Variants in CRPPA observed in about 807,000 individuals in gnomAD.
CRPPA encodes the protein CDP-L-ribitol pyrophosphorylase A.
Under a neutral mutation model 52.0 loss-of-function variants are expected in CRPPA, and 43 were observed. That is an observed-to-expected ratio of 0.83 (90% confidence interval 0.65 to 1.07). The LOEUF (loss-of-function observed/expected upper bound fraction) is 1.07, where lower values mean the gene tolerates loss of function less well. CRPPA is among the 50% of genes least tolerant of loss of function. The pLI, the probability that CRPPA is intolerant of heterozygous loss-of-function variation, is 0.00. For missense variants in CRPPA, 629 were observed against 551.7 expected, an observed-to-expected ratio of 1.14 and a Z score of -1.40; for synonymous variants, 250 against 203.5, an observed-to-expected ratio of 1.23 and a Z score of -1.94.
At chr7:16,364,473 G>C (rs923742371) in intron 3 of CRPPA, among the ~76,000 whole-genome samples, 1 of 152,166 alleles carries the variant, frequency 6.6e-6, no homozygotes, top group Non-Finnish European at 1.5e-5. Context: ...AGTCCTGATT[G>C]AGAAGGAAAT....
At chr7:16,235,982 A>AAGTGTCTGTTATT in intron 8 of CRPPA, 1 of 152,196 alleles carries the variant, frequency 6.6e-6, no homozygotes, top group East Asian at 1.9e-4. Flanking sequence ...GCTTTTCAGT[A>AAGTGTCTGTTATT]AGTGTCTGTT....
Position 16,125,501 on chromosome 7 carries a change from A to G in CRPPA, c.1252-33702T>C, listed in dbSNP as rs558755681. ...TAGAAGCTGACTAAAAATAAATTCA[A>G]TGAGTCAACTAGAGAGTAATCACCA... On this transcript the variant is annotated intron_variant, in intron 9 of 9. Coordinates refer to ENST00000407010, the MANE Select transcript of CRPPA (RefSeq NM_001101426.4). 7.2e-5 allele frequency among the ~76,000 whole-genome samples: 11 copies of G among 152,220 alleles called. No individual in the cohort carries two copies. In the East Asian group the frequency reaches 2.1e-3, roughly 29 times the overall value.
At chr7:16,259,581 C>A (rs1426444446) in intron 6 of CRPPA, among the ~76,000 whole-genome samples, 1 of 151,952 alleles carries the variant, frequency 6.6e-6, no homozygotes, top group Non-Finnish European at 1.5e-5. Flanking sequence ...TAGAGAAGAA[C>A]ACATATTATG....
intron 2 of CRPPA, among the ~76,000 whole-genome samples, chr7:16,380,177 T>A (rs1367862236): frequency 6.6e-6 from 1 of 151,310 alleles, no homozygotes; most frequent in Non-Finnish European, 1.5e-5. Context: ...AATACCTAAT[T>A]TATTGAGAGT....
At chr7:16,414,350 AAC>A (rs3085030) in intron 1 of CRPPA, among the ~76,000 whole-genome samples, 13,235 of 137,902 alleles carry the variant, frequency 0.096, 621 homozygotes, top group Middle Eastern at 0.13. Context: ...CCCCTACCCC[AAC>A]ACACACACAC....
At chr7:16,101,612 T>C (rs1216358274) in intron 9 of CRPPA, among the ~76,000 whole-genome samples, 4 of 151,914 alleles carry the variant, frequency 2.6e-5, no homozygotes, top group Non-Finnish European at 5.9e-5. Context: ...AGCTCCTGGA[T>C]TGAGCAAAGT....
intron 4 of CRPPA, among the ~76,000 whole-genome samples, chr7:16,306,933 C>T (rs1262624041): frequency 1.3e-5 from 2 of 151,362 alleles, no homozygotes; most frequent in Non-Finnish European, 3.0e-5. Flanking sequence ...CCAGGCAATA[C>T]TTCAAACATG....
At chr7:16,309,953 T>G (rs1784998716) in intron 3 of CRPPA, among the ~76,000 whole-genome samples, 1 of 152,056 alleles carries the variant, frequency 6.6e-6, no homozygotes, top group Admixed American at 6.6e-5. Flanking sequence ...TAAATAAAAT[T>G]AAGTTTAAAA....
At chr7:16,185,955 A>T (rs1283919414) in intron 9 of CRPPA, among the ~76,000 whole-genome samples, 1 of 152,206 alleles carries the variant, frequency 6.6e-6, no homozygotes, top group Admixed American at 6.6e-5. Flanking sequence ...GTACATATTC[A>T]CACATCTTAA....
chr7:16,200,069 G>A (rs939236929), intron 9 of CRPPA, among the ~76,000 whole-genome samples: 3 of 152,014 alleles, frequency 2.0e-5, no homozygotes, highest in African/African-American at 7.3e-5. Context: ...TGTTGGCCAG[G>A]TTGGTCTCAA....
chr7:16,320,004 C>T (rs555207422), intron 3 of CRPPA, among the ~76,000 whole-genome samples: 1 of 152,250 alleles, frequency 6.6e-6, no homozygotes, highest in Non-Finnish European at 1.5e-5. Flanking sequence ...CTAGCTTGCC[C>T]CAACTATTTG....
At position 16,387,060 on chromosome 7, in the gene CRPPA, TATATATATATATATATATATATATATAC is replaced by T. The variant is rs969375806; in HGVS notation, c.535-10847_535-10820del. On this transcript the variant is annotated intron_variant, in intron 2 of 9. Transcript: ENST00000407010. ...TAAAAAAAAGATATATATATATATA[TATATATATATATATATATATATATATAC>T]ACACATATATATATGTATATACACA... Among the ~76,000 whole-genome samples, 5 of 82,942 alleles carry T rather than the reference TATATATATATATATATATATATATATAC, an allele frequency of 6.0e-5. 1 individual carries two copies. Among genetic ancestry groups the T allele is most frequent in the African/African-American group, 3.1e-4 (5 of 16,084 alleles). 54.4% of individuals were successfully genotyped at this position (82,942 alleles called of 152,430 possible). A position where few individuals can be genotyped will look rare whatever the true frequency, so the allele number is the denominator to read the frequency against.
chr7:16,319,457 C>T (rs1192165917), intron 3 of CRPPA, among the ~76,000 whole-genome samples: 1 of 152,120 alleles, frequency 6.6e-6, no homozygotes, highest in East Asian at 1.9e-4. Context: ...GCTTCTGTAT[C>T]CCGTGCAGTC....
At chr7:16,339,593 T>C (rs1056283499) in intron 3 of CRPPA, among the ~76,000 whole-genome samples, 3 of 152,336 alleles carry the variant, frequency 2.0e-5, no homozygotes, top group African/African-American at 7.2e-5. Context: ...ATCATCATTC[T>C]TAATGGTGAG....
At chr7:16,283,446 T>C (rs1464891140) in intron 5 of CRPPA, among the ~76,000 whole-genome samples, 1 of 150,216 alleles carries the variant, frequency 6.7e-6, no homozygotes, top group African/African-American at 2.4e-5. Flanking sequence ...ATGATATATA[T>C]GACACTATAA....
At chr7:16,186,727 G>A (rs1050876926) in intron 9 of CRPPA, among the ~76,000 whole-genome samples, 2 of 152,134 alleles carry the variant, frequency 1.3e-5, no homozygotes, top group Admixed American at 1.3e-4. Context: ...TAAATAGTTT[G>A]AGTCCTGATT....
chr7:16,359,190 T>C (rs527750988), intron 3 of CRPPA, among the ~76,000 whole-genome samples: 6 of 152,188 alleles, frequency 3.9e-5, no homozygotes, highest in Non-Finnish European at 8.8e-5. Context: ...GGTGCAATCA[T>C]AGCTCACTGT....
At chr7:16,110,671 G>C (rs1782242343) in intron 9 of CRPPA, among the ~76,000 whole-genome samples, 1 of 151,906 alleles carries the variant, frequency 6.6e-6, no homozygotes. Flanking sequence ...TTTTGACAAA[G>C]GTGCCAAGAA....
intron 3 of CRPPA, among the ~76,000 whole-genome samples, chr7:16,373,298 GA>G (rs986360327): frequency 6.7e-5 from 10 of 148,164 alleles, no homozygotes; most frequent in Middle Eastern, 3.4e-3. Flanking sequence ...CTCCATCTCA[GA>G]AAAAAAAAAG....
Sources: gnomAD v4.1 joint callset for allele counts (sites outside exome capture counted in the v4.1 genomes callset) on GRCh38, gnomAD v4.1.1 for gene constraint, MANE v1.5 for transcripts, NCBI Gene and HGNC (gene_info 2026-07-23, HGNC 2026-07-21) for gene names.